Variants in EMID1 observed in about 807,000 individuals in gnomAD.
EMID1 encodes the protein EMI domain containing 1, also known as EMI domain-containing protein 1.
Under a neutral mutation model 60.6 loss-of-function variants are expected in EMID1, and 40 were observed. The ratio of observed to expected loss-of-function variants is 0.66; its 90% CI spans 0.51 to 0.86. The LOEUF is 0.86. Among genes scored for constraint, EMID1 ranks in the 40% least tolerant of loss-of-function variants. The probability of loss-of-function intolerance (pLI) is 0.00; values close to 1 mark genes in which losing one functional copy is unlikely to be tolerated. For missense variants in EMID1, 585 were observed against 597.1 expected (o/e 0.98, Z 0.21); for synonymous variants, 242 against 231.0 (o/e 1.05, Z -0.43).
intron 13 of EMID1, among the ~76,000 whole-genome samples, chr22:29,247,283 G>T (rs370304494): frequency 6.6e-6 from 1 of 152,140 alleles, no homozygotes; most frequent in Admixed American, 6.6e-5. Context: ...TTTGCATTTT[G>T]ATATACAGAA....
chr22:29,221,671 G>T (rs1331595838), intron 3 of EMID1, among the ~76,000 whole-genome samples: 2 of 152,150 alleles, frequency 1.3e-5, no homozygotes, highest in Non-Finnish European at 2.9e-5. Flanking sequence ...ACCACGCCCG[G>T]CCAGGATATG....
At chr22:29,243,813 G>C (rs1312926271) in intron 13 of EMID1, among the ~76,000 whole-genome samples, 1 of 152,212 alleles carries the variant, frequency 6.6e-6, no homozygotes, top group Non-Finnish European at 1.5e-5. Context: ...GCTGACCCAG[G>C]CCAGACTGCA....
chr22:29,225,109 G>C (rs1440289928), intron 3 of EMID1, 24 bp from the exon 4 acceptor site: 2 of 1,612,586 alleles, frequency 1.2e-6, no homozygotes, highest in East Asian at 4.5e-5. Context: ...CATGCCAGCA[G>C]GGCTCTCACC....
chr22:29,251,689 G>A (rs992215240), intron 13 of EMID1, among the ~76,000 whole-genome samples: 2 of 151,818 alleles, frequency 1.3e-5, no homozygotes, highest in Non-Finnish European at 2.9e-5. Flanking sequence ...TTTTGAGATG[G>A]AGTCTCCCTC....
intron 12 of EMID1, among the ~76,000 whole-genome samples, chr22:29,235,158 G>A (rs186264550): frequency 6.6e-6 from 1 of 152,206 alleles, no homozygotes; most frequent in East Asian, 1.9e-4. Flanking sequence ...GACCAGCCTG[G>A]TCAACATGGT....
Position 29,216,350 on chromosome 22 carries a change from G to A in EMID1, c.319+720G>A. The A allele has an allele frequency of 3.0e-6, 3 of 985,440 alleles. No individual in the cohort carries two copies. In the South Asian group the frequency reaches 1.4e-4, roughly 46 times the overall value. The allele number at this position is 985,440 out of a possible 1,614,324, so 61.0% of individuals were successfully genotyped here. On this transcript the variant is annotated intron_variant, in intron 3 of 14. Transcript: ENST00000334018. ...ACCTGCCCCTCTGCTGAGCAGCCCAGGCCTCTCCCATCCTCACTGCCTGGC... is the reference window on the plus strand; with the variant it reads ...ACCTGCCCCTCTGCTGAGCAGCCCAAGCCTCTCCCATCCTCACTGCCTGGC...
intron 6 of EMID1, 26 bp from the exon 7 acceptor site, chr22:29,231,567 C>A: frequency 6.5e-7 from 1 of 1,548,734 alleles, no homozygotes. Flanking sequence ...TGTGGAGCTG[C>A]CAGTCTGATA....
chr22:29,232,877 G>C, intron 8 of EMID1: 1 of 180,402 alleles, frequency 5.5e-6, no homozygotes, highest in Non-Finnish European at 1.2e-5. Context: ...GCTGCCAGGG[G>C]TCAGAGTGTG....
intron 3 of EMID1, among the ~76,000 whole-genome samples, chr22:29,218,199 C>T (rs2040158288): frequency 6.6e-6 from 1 of 152,254 alleles, no homozygotes; most frequent in South Asian, 2.1e-4. Context: ...GATTCCGTGG[C>T]GACCTGGCAG....
intron 14 of EMID1, among the ~76,000 whole-genome samples, chr22:29,255,010 A>G (rs1226794439): frequency 7.0e-6 from 1 of 142,450 alleles, no homozygotes; most frequent in Non-Finnish European, 1.5e-5. Context: ...TGGTCCCTTT[A>G]GGGGACTAAG....
At chr22:29,250,877 G>A (rs921999507) in intron 13 of EMID1, among the ~76,000 whole-genome samples, 16 of 148,056 alleles carry the variant, frequency 1.1e-4, no homozygotes, top group South Asian at 4.3e-4. Flanking sequence ...TTACAGGTGT[G>A]AGCCACTGTG....
At chr22:29,212,800 C>G (rs955468794) in intron 1 of EMID1, among the ~76,000 whole-genome samples, 3 of 152,090 alleles carry the variant, frequency 2.0e-5, no homozygotes, top group Non-Finnish European at 4.4e-5. Context: ...CCTGACCTCA[C>G]GTGATCCACC....
At chr22:29,227,148 T>G (rs1460546050) in intron 5 of EMID1, among the ~76,000 whole-genome samples, 1 of 152,122 alleles carries the variant, frequency 6.6e-6, no homozygotes, top group Non-Finnish European at 1.5e-5. Flanking sequence ...TGGAGTGCAG[T>G]GGCGAGATCT....
intron 1 of EMID1, among the ~76,000 whole-genome samples, chr22:29,209,665 A>G (rs906823820): frequency 3.9e-5 from 6 of 152,150 alleles, no homozygotes; most frequent in African/African-American, 1.2e-4. Context: ...GCCCAGGGCT[A>G]TTGTGAGTGG....
At chr22:29,221,135 AG>A (rs1014476323) in intron 3 of EMID1, among the ~76,000 whole-genome samples, 21 of 141,492 alleles carry the variant, frequency 1.5e-4, no homozygotes, top group African/African-American at 5.7e-4. Flanking sequence ...AGGGCACGTG[AG>A]GGCCTCCCAG....
intron 7 of EMID1, 131 bp from the exon 8 acceptor site, chr22:29,232,125 C>A: frequency 1.0e-6 from 1 of 973,472 alleles, no homozygotes; most frequent in Non-Finnish European, 1.6e-6. Flanking sequence ...GACTACCAGG[C>A]AGCCTAGGCC....
At chr22:29,224,078 C>T (rs2040402672) in intron 3 of EMID1, among the ~76,000 whole-genome samples, 1 of 152,246 alleles carries the variant, frequency 6.6e-6, no homozygotes, top group South Asian at 2.1e-4. Flanking sequence ...AAGTCACAGG[C>T]CCTTGAGGAG....
At chr22:29,253,953 C>CA (rs1304282944) in intron 13 of EMID1, 1 of 985,328 alleles carries the variant, frequency 1.0e-6, no homozygotes, top group Non-Finnish European at 1.2e-6. Flanking sequence ...GCGGCCTTGT[C>CA]AGAGAGCAGC....
chr22:29,215,174 C>G, intron 2 of EMID1, 135 bp downstream of exon 2: 5 of 1,420,644 alleles, frequency 3.5e-6, no homozygotes, highest in Non-Finnish European at 4.6e-6. Context: ...GTAGCATCAG[C>G]CGACACCATT....
Sources: allele counts gnomAD v4.1 joint callset (sites outside exome capture counted in the v4.1 genomes callset), GRCh38; gene constraint gnomAD v4.1.1; transcripts MANE v1.5; gene names NCBI Gene and HGNC (gene_info 2026-07-23, HGNC 2026-07-21).